ESRRB: variants seen among roughly 807,000 people sequenced by gnomAD.
ESRRB encodes estrogen related receptor beta.
Under a neutral mutation model 46.0 loss-of-function variants are expected in ESRRB, and 16 were observed. The observed-to-expected ratio is 0.35, with a 90% CI of 0.24 to 0.53. The LOEUF is 0.53. ESRRB is among the 20% of genes least tolerant of loss of function. ESRRB has a pLI of 0.93. For synonymous variants in ESRRB, 246 were observed against 259.6 expected, an observed-to-expected ratio of 0.95 and a Z score of 0.50; for missense variants, 488 against 607.4, an observed-to-expected ratio of 0.80 and a Z score of 2.07.
intron 1 of ESRRB, among the ~76,000 whole-genome samples, chr14:76,426,222 G>A (rs1255580608): frequency 2.0e-5 from 3 of 152,154 alleles, no homozygotes; most frequent in African/African-American, 7.2e-5. Flanking sequence ...GCCTGAAGAT[G>A]GGGGAAGAGA....
intron 2 of ESRRB, among the ~76,000 whole-genome samples, chr14:76,444,194 G>A (rs754040979): frequency 1.4e-4 from 22 of 151,906 alleles, no homozygotes; most frequent in Middle Eastern, 3.4e-3. Context: ...CACCACACCC[G>A]ACTAATTTTT....
chr14:76,367,560 A>T (rs1884538109), upstream of ESRRB, among the ~76,000 whole-genome samples: 1 of 151,604 alleles, frequency 6.6e-6, no homozygotes, highest in Non-Finnish European at 1.5e-5. Flanking sequence ...CTGTCTCAAA[A>T]AAAAAAAAAA....
chr14:76,461,681 T>C (rs1174158525), intron 2 of ESRRB, among the ~76,000 whole-genome samples: 2 of 152,102 alleles, frequency 1.3e-5, no homozygotes, highest in African/African-American at 4.8e-5. Context: ...GCTAATTTTT[T>C]TGTATTTTTA....
chr14:76,443,503 C>A (rs528440688), intron 2 of ESRRB, among the ~76,000 whole-genome samples: 46 of 151,616 alleles, frequency 3.0e-4, no homozygotes, highest in Non-Finnish European at 6.2e-4. Context: ...ATTTGACAAA[C>A]ACAAAATGTT....
chr14:76,347,196 G>A (rs1484521173), intron 1 of ESRRB, among the ~76,000 whole-genome samples: 1 of 152,174 alleles, frequency 6.6e-6, no homozygotes, highest in Non-Finnish European at 1.5e-5. Flanking sequence ...TGGGCTGAAG[G>A]AGGAGTCCAG....
intron 1 of ESRRB, among the ~76,000 whole-genome samples, chr14:76,317,562 C>G (rs567690839): frequency 6.6e-6 from 1 of 152,144 alleles, no homozygotes; most frequent in Admixed American, 6.5e-5. Context: ...CTTTGCTACT[C>G]CCTGTGAATC....
At chr14:76,470,074 A>T (rs1384872809) in intron 3 of ESRRB, among the ~76,000 whole-genome samples, 1 of 150,224 alleles carries the variant, frequency 6.7e-6, no homozygotes, top group Non-Finnish European at 1.5e-5. Context: ...CAGCCTCCTG[A>T]GTAGCTGCTA....
chr14:76,397,988 T>C (rs1041578497), intron 1 of ESRRB, among the ~76,000 whole-genome samples: 5 of 152,188 alleles, frequency 3.3e-5, no homozygotes, highest in Non-Finnish European at 7.3e-5. Context: ...TTCATATCAG[T>C]GGGGAACAGA....
chr14:76,420,641 T>A (rs1886914449), intron 1 of ESRRB, among the ~76,000 whole-genome samples: 2 of 67,510 alleles, frequency 3.0e-5, no homozygotes, highest in Admixed American at 1.8e-4. Context: ...CACATTTAGG[T>A]CAGTGCACTG....
chr14:76,351,262 A>G (rs1884310287), intron 1 of ESRRB, among the ~76,000 whole-genome samples: 1 of 152,242 alleles, frequency 6.6e-6, no homozygotes. Context: ...TTAAAAATAA[A>G]TAAATGTATT....
chr14:76,349,941 C>T (rs552983558), intron 1 of ESRRB, among the ~76,000 whole-genome samples: 90 of 152,314 alleles, frequency 5.9e-4, no homozygotes, highest in African/African-American at 2.1e-3. Flanking sequence ...ACCAGGCTTA[C>T]ATTCAGTAAG....
At chr14:76,472,699 C>T (rs1889420035) in intron 3 of ESRRB, among the ~76,000 whole-genome samples, 1 of 152,214 alleles carries the variant, frequency 6.6e-6, no homozygotes, top group Admixed American at 6.5e-5. Flanking sequence ...CTGGAATGCC[C>T]ATCAGCATGC....
intron 1 of ESRRB, among the ~76,000 whole-genome samples, chr14:76,379,708 C>G (rs116392105): frequency 0.013 from 2,019 of 152,158 alleles, 45 homozygotes; most frequent in African/African-American, 0.046. Flanking sequence ...CGCTGGAGGG[C>G]CCCGGTCCCG....
intron 3 of ESRRB, among the ~76,000 whole-genome samples, chr14:76,464,180 TG>T (rs1192736924): frequency 6.6e-6 from 1 of 151,992 alleles, no homozygotes; most frequent in Non-Finnish European, 1.5e-5. Context: ...AAGAGGTGTG[TG>T]GGGGTGATCA....
At position 76,501,238 on chromosome 14, in the gene ESRRB, T is replaced by C. The variant is rs1382301668; in HGVS notation, c.*2780T>C. On this transcript the variant is annotated 3_prime_UTR_variant, in exon 7 of 7. Transcript: ENST00000644823. ...GAAATAAAACATGAAAATCCAACCA[T>C]GGAGAAGGTGGTATGGCTGGGTTTT... 1 of 157,298 alleles carries C rather than the reference T, an allele frequency of 6.4e-6. No individual in the cohort carries two copies. The highest frequency in any genetic ancestry group is 1.4e-5 in the Non-Finnish European group (1 of 71,038). 9.7% of individuals were successfully genotyped at this position (157,298 alleles called of 1,614,324 possible).
At chr14:76,467,851 C>T (rs1019344216) in intron 3 of ESRRB, among the ~76,000 whole-genome samples, 4 of 152,134 alleles carry the variant, frequency 2.6e-5, no homozygotes, top group Non-Finnish European at 2.9e-5. Context: ...AGCCTGTCCC[C>T]GCCAACTTCA....
rs757571086 is a variant in ESRRB at position 76,482,800 on chromosome 14, T to TCAGCCGGTATCTCCG, written c.850+47_850+61dup. The TCAGCCGGTATCTCCG allele has an allele frequency of 1.2e-6, 2 of 1,610,314 alleles. No homozygotes were observed. Among genetic ancestry groups the TCAGCCGGTATCTCCG allele is most frequent in the South Asian group, 2.2e-5 (2 of 90,972 alleles). ...CAGGGGAGAGTGTGGCCAGGGACTC[T>TCAGCCGGTATCTCCG]CAGCCGGTATCTCCGCAGCCTACCC... On this transcript the variant is annotated intron_variant, in intron 5 of 6. Coordinates refer to ENST00000644823, the MANE Select transcript of ESRRB (RefSeq NM_001379180.1). The surrounding 1 kb of genome is among the most constrained non-coding windows in gnomAD (Gnocchi z 4.3).
At chr14:76,387,554 G>T (rs1283396053) in intron 1 of ESRRB, among the ~76,000 whole-genome samples, 1 of 152,156 alleles carries the variant, frequency 6.6e-6, no homozygotes, top group Admixed American at 6.5e-5. Flanking sequence ...GCCTTGTAGT[G>T]TGGTATTCCT....
intron 1 of ESRRB, among the ~76,000 whole-genome samples, chr14:76,341,448 C>T (rs529239979): frequency 1.6e-4 from 25 of 152,336 alleles, no homozygotes; most frequent in Non-Finnish European, 3.4e-4. Context: ...AGGTTTCACC[C>T]GGCTCTCCTG....
Sources: gnomAD v4.1 joint callset for allele counts (sites outside exome capture counted in the v4.1 genomes callset) on GRCh38, gnomAD v4.1.1 for gene constraint, Gnocchi (gnomAD v3.1) non-coding constraint, MANE v1.5 for transcripts, NCBI Gene and HGNC (gene_info 2026-07-23, HGNC 2026-07-21) for gene names.